Variants in RRAS2 observed in about 807,000 individuals in gnomAD.
RRAS2 encodes ras-related protein R-Ras2.
A neutral mutation model predicts 27.6 loss-of-function variants in RRAS2; 7 were observed. The observed-to-expected ratio is 0.25, with a 90% confidence interval of 0.14 to 0.48. The LOEUF (loss-of-function observed/expected upper bound fraction) is 0.48. Ranked by LOEUF, RRAS2 falls within the 20% of genes least tolerant of loss-of-function variation. RRAS2 has a pLI of 0.99. For synonymous variants in RRAS2, 86 were observed against 90.9 expected (o/e 0.95, Z 0.31); for missense variants, 178 against 256.2 (o/e 0.69, Z 2.08).
chr11:14,288,689 C>A (rs1199011788), intron 4 of RRAS2, among the ~76,000 whole-genome samples: 1 of 152,196 alleles, frequency 6.6e-6, no homozygotes, highest in African/African-American at 2.4e-5. Flanking sequence ...AACAAATTCA[C>A]AGAACTACAT....
chr11:14,354,956 T>C (rs1007953754), intron 1 of RRAS2, among the ~76,000 whole-genome samples: 1 of 152,042 alleles, frequency 6.6e-6, no homozygotes, highest in African/African-American at 2.4e-5. Flanking sequence ...GGATTACAGG[T>C]GTGAGCCACC....
At position 14,346,515 on chromosome 11, in the gene RRAS2, A is replaced by G. The variant is rs577905140; in HGVS notation, c.108+12248T>C. On this transcript the variant is annotated intron_variant, in intron 1 of 5. Transcript: ENST00000256196. ...CAAATAAAGCAGGACCTCTACTGTT[A>G]TAACACAAAAATGTTGGGACCCAAT... 7.9e-5 allele frequency among the ~76,000 whole-genome samples: 12 copies of G among 152,366 alleles called. No individual in the cohort carries two copies. The East Asian group carries it at 1.7e-3, about 22-fold the overall frequency.
chr11:14,325,963 G>A (rs1848347306), intron 1 of RRAS2, among the ~76,000 whole-genome samples: 1 of 152,150 alleles, frequency 6.6e-6, no homozygotes, highest in South Asian at 2.1e-4. Context: ...TTTTGAAGGA[G>A]GATCAAGTCT....
chr11:14,337,575 T>C (rs1848612984), intron 1 of RRAS2, among the ~76,000 whole-genome samples: 1 of 152,236 alleles, frequency 6.6e-6, no homozygotes, highest in African/African-American at 2.4e-5. Flanking sequence ...ATAACTTCTA[T>C]TGTAGTATAT....
At chr11:14,306,053 GC>G (rs1424952460) in intron 1 of RRAS2, among the ~76,000 whole-genome samples, 2 of 148,282 alleles carry the variant, frequency 1.3e-5, no homozygotes, top group Non-Finnish European at 3.0e-5. Flanking sequence ...CCCCACCGCC[GC>G]CCCCACCCCA....
chr11:14,316,649 A>C (rs1438939551), intron 1 of RRAS2, among the ~76,000 whole-genome samples: 1 of 152,208 alleles, frequency 6.6e-6, no homozygotes, highest in Non-Finnish European at 1.5e-5. Context: ...AGGTTGAAGC[A>C]GGAGGATTGC....
intron 1 of RRAS2, among the ~76,000 whole-genome samples, chr11:14,312,558 T>G (rs180987150): frequency 6.6e-6 from 1 of 152,198 alleles, no homozygotes; most frequent in Non-Finnish European, 1.5e-5. Flanking sequence ...TAGCTGGGAC[T>G]GTAGGTGCAT....
At chr11:14,362,940 G>C (rs1427884890), upstream of RRAS2, among the ~76,000 whole-genome samples, 1 of 152,204 alleles carries the variant, frequency 6.6e-6, no homozygotes, top group Non-Finnish European at 1.5e-5. Flanking sequence ...GTTGTCAAGA[G>C]ATTTCAACAG....
intron 1 of RRAS2, among the ~76,000 whole-genome samples, chr11:14,308,042 G>A (rs929356213): frequency 2.6e-5 from 4 of 152,060 alleles, no homozygotes; most frequent in African/African-American, 7.2e-5. Flanking sequence ...GTTAAATTAC[G>A]AAAGGTTCAT....
chr11:14,364,380 G>A (rs1554956482), intron 1 of RRAS2: 2 of 1,535,920 alleles, frequency 1.3e-6, no homozygotes, highest in Admixed American at 2.0e-5. Flanking sequence ...ATCAGAGCCT[G>A]CAATACTTAC....
intron 1 of RRAS2, among the ~76,000 whole-genome samples, chr11:14,307,068 G>C (rs1303215744): frequency 1.3e-5 from 2 of 151,990 alleles, no homozygotes; most frequent in Non-Finnish European, 2.9e-5. Context: ...GCACATGCCT[G>C]TGGTCCTAGC....
intron 1 of RRAS2, among the ~76,000 whole-genome samples, chr11:14,352,801 A>ATT (rs1194938737): frequency 7.0e-6 from 1 of 143,398 alleles, no homozygotes; most frequent in East Asian, 2.0e-4. Flanking sequence ...AGAGAGAGAC[A>ATT]TTTTTTTTTT....
intron 4 of RRAS2, among the ~76,000 whole-genome samples, chr11:14,285,794 T>C (rs537410102): frequency 2.6e-5 from 4 of 152,344 alleles, no homozygotes; most frequent in African/African-American, 7.2e-5. Context: ...GATGCAATGA[T>C]GACTCCTGCC....
intron 1 of RRAS2, among the ~76,000 whole-genome samples, chr11:14,349,633 T>C (rs1848910372): frequency 6.6e-6 from 1 of 152,172 alleles, no homozygotes; most frequent in Non-Finnish European, 1.5e-5. Flanking sequence ...TATAACAGTA[T>C]AGACAATTGC....
At chr11:14,351,918 CA>C (rs1374718062) in intron 1 of RRAS2, among the ~76,000 whole-genome samples, 2 of 142,796 alleles carry the variant, frequency 1.4e-5, no homozygotes, top group Non-Finnish European at 3.1e-5. Context: ...AAAAAGAAGA[CA>C]GCAAATGCCC....
chr11:14,318,490 G>C (rs541651844), intron 1 of RRAS2, among the ~76,000 whole-genome samples: 1 of 151,938 alleles, frequency 6.6e-6, no homozygotes, highest in African/African-American at 2.4e-5. Flanking sequence ...GTGACAGAGA[G>C]AGAATCTGTC....
chr11:14,303,552 CAG>C (rs369058077), intron 1 of RRAS2, among the ~76,000 whole-genome samples: 7 of 152,252 alleles, frequency 4.6e-5, no homozygotes, highest in Non-Finnish European at 8.8e-5. Flanking sequence ...GCCTCAGCGA[CAG>C]AGAGAGACCC....
intron 1 of RRAS2, among the ~76,000 whole-genome samples, chr11:14,302,412 C>CA (rs1438311027): frequency 1.3e-5 from 2 of 152,140 alleles, no homozygotes; most frequent in Non-Finnish European, 2.9e-5. Context: ...GAAGAAAACA[C>CA]AAGGGCTCTG....
intron 1 of RRAS2, among the ~76,000 whole-genome samples, chr11:14,302,869 T>C (rs1266824984): frequency 1.3e-5 from 2 of 152,188 alleles, no homozygotes; most frequent in South Asian, 2.1e-4. Flanking sequence ...CACAGTTCTA[T>C]CAGTTTGCCA....
Sources: gnomAD v4.1 joint callset for allele counts (sites outside exome capture counted in the v4.1 genomes callset) on GRCh38, gnomAD v4.1.1 for gene constraint, MANE v1.5 for transcripts, NCBI Gene and HGNC (gene_info 2026-07-23, HGNC 2026-07-21) for gene names.